The following RANBP10 variants were observed in gnomAD, a reference collection of about 807,000 sequenced individuals.
RANBP10 encodes the protein RAN binding protein 10.
Under a neutral mutation model 72.8 loss-of-function variants are expected in RANBP10, and 24 were observed. The ratio of observed to expected loss-of-function variants is 0.33; its 90% confidence interval spans 0.24 to 0.46. RANBP10 has a LOEUF of 0.46. Among genes scored for constraint, RANBP10 ranks in the 20% least tolerant of loss-of-function variants. The pLI, the probability that RANBP10 is intolerant of heterozygous loss-of-function variation, is 1.00. For synonymous variants in RANBP10, 310 were observed against 322.3 expected, an observed-to-expected ratio of 0.96 and a Z score of 0.41; for missense variants, 679 against 817.5, an observed-to-expected ratio of 0.83 and a Z score of 2.07.
At chr16:67,727,237 T>G in intron 13 of RANBP10, 90 bp downstream of exon 13, 1 of 1,268,646 alleles carries the variant, frequency 7.9e-7, no homozygotes, top group African/African-American at 1.5e-5. Flanking sequence ...AGGTGGAGAT[T>G]GCTGTGAGCC....
chr16:67,757,316 A>G (rs2054303446), intron 3 of RANBP10, among the ~76,000 whole-genome samples: 1 of 152,078 alleles, frequency 6.6e-6, no homozygotes, highest in Admixed American at 6.5e-5. Context: ...CCCTCTCCTA[A>G]TGAATGGCCA....
At chr16:67,737,911 G>T in intron 5 of RANBP10, 102 bp downstream of exon 5, 1 of 1,434,658 alleles carries the variant, frequency 7.0e-7, no homozygotes, top group Non-Finnish European at 9.6e-7. Flanking sequence ...CCTGGTTGGG[G>T]AAAGAACCAG....
chr16:67,727,568 G>T (rs2053629978), intron 12 of RANBP10, 130 bp from the exon 13 acceptor site: 1 of 1,313,560 alleles, frequency 7.6e-7, no homozygotes, highest in Non-Finnish European at 1.1e-6. Flanking sequence ...GTCGGGCAGG[G>T]CTGTACTCTC....
At chr16:67,796,327 T>C (rs1309898416) in intron 2 of RANBP10, among the ~76,000 whole-genome samples, 4 of 152,190 alleles carry the variant, frequency 2.6e-5, no homozygotes, top group Admixed American at 6.6e-5. Flanking sequence ...TTCAGATACA[T>C]GGCTTTATAA....
At chr16:67,805,588 G>C (rs1216228540) in intron 1 of RANBP10, 49 bp from the exon 2 acceptor site, 2 of 1,508,606 alleles carry the variant, frequency 1.3e-6, no homozygotes, top group Non-Finnish European at 1.8e-6. Flanking sequence ...AAATGCAAAT[G>C]GAAGCCTCAT....
chr16:67,751,175 G>C (rs2054188581), intron 3 of RANBP10, among the ~76,000 whole-genome samples: 1 of 152,288 alleles, frequency 6.6e-6, no homozygotes, highest in Middle Eastern at 3.4e-3. Flanking sequence ...AACCTACTTA[G>C]TCAGTGATTC....
chr16:67,753,811 G>A (rs1333726433), intron 3 of RANBP10, among the ~76,000 whole-genome samples: 2 of 152,088 alleles, frequency 1.3e-5, no homozygotes, highest in Non-Finnish European at 2.9e-5. Context: ...TCTGGCCTGA[G>A]CAAACAAGTA....
At chr16:67,751,544 G>T (rs1167800512) in intron 3 of RANBP10, among the ~76,000 whole-genome samples, 1 of 152,156 alleles carries the variant, frequency 6.6e-6, no homozygotes, top group Non-Finnish European at 1.5e-5. Flanking sequence ...AGAATCACTT[G>T]AACTGGGGAG....
intron 2 of RANBP10, among the ~76,000 whole-genome samples, chr16:67,794,727 G>A (rs2055094136): frequency 6.6e-6 from 1 of 150,696 alleles, no homozygotes; most frequent in Admixed American, 6.6e-5. Flanking sequence ...GTTTCACCGT[G>A]TTAGCCAGGA....
In RANBP10 at chr16:67,729,456, G is replaced by T. The variant is rs1034865243; in HGVS notation, c.1176C>A (p.Gly392=). 1 of 1,613,114 alleles carries T rather than the reference G, an allele frequency of 6.2e-7. No individual in the cohort carries two copies. Among genetic ancestry groups the T allele is most frequent in the East Asian group, 2.2e-5 (1 of 44,860 alleles). Residue 392 remains glycine (G), a synonymous_variant, in exon 10 of 14, where the codon GGC becomes GGA. Transcript: ENST00000317506. The surrounding 1 kb of genome is among the most constrained non-coding windows in gnomAD (Gnocchi z 7.1). ...TGADSPSCSN[G]VASTKSKQNH... ...TCTGTTTGCTCTTGGTGGACGCGAC[G>T]CCATTGCTACAGCTGGGACTGTCTG...
Position 67,806,405 on chromosome 16 carries a change from G to A in RANBP10, c.132C>T (p.Pro44=), listed in dbSNP as rs754500426. 6.2e-7 allele frequency: 1 copy of A among 1,608,356 alleles called. No homozygotes were observed. The highest frequency in any genetic ancestry group is 8.5e-7 in the Non-Finnish European group (1 of 1,177,760). Residue 44 remains proline, a synonymous_variant, in exon 1 of 14, where the codon CCC becomes CCT. Transcript: ENST00000317506. The part of the protein sequence containing the change: ...ELSRRLQRLY[P]AVNQQETPLP... ...GCGGAGTCTCTTGCTGGTTGACCGCGGGATACAGGCGCTGCAAGCGCCGGC... is the reference window on the plus strand; with the variant it reads ...GCGGAGTCTCTTGCTGGTTGACCGCAGGATACAGGCGCTGCAAGCGCCGGC...
At chr16:67,785,213 A>AAAAT (rs936375867) in intron 2 of RANBP10, among the ~76,000 whole-genome samples, 2 of 151,868 alleles carry the variant, frequency 1.3e-5, no homozygotes, top group Middle Eastern at 3.2e-3. Flanking sequence ...GTCGGTCTCA[A>AAAAT]AAATAAATAA....
chr16:67,761,511 G>A (rs1420094575), intron 3 of RANBP10, among the ~76,000 whole-genome samples: 1 of 152,222 alleles, frequency 6.6e-6, no homozygotes, highest in Non-Finnish European at 1.5e-5. Flanking sequence ...GCACTTGAGA[G>A]AAAAGGTAGT....
At chr16:67,794,946 C>A (rs60128828) in intron 2 of RANBP10, among the ~76,000 whole-genome samples, 11,116 of 96,224 alleles carry the variant, frequency 0.12, 1,138 homozygotes, top group African/African-American at 0.31. Context: ...AAAAAAAAAA[C>A]AAAAAAAAAA....
rs1336819792 is a variant in RANBP10 at position 67,727,426 on chromosome 16, G to C, written c.1633C>G (p.Leu545Val). Residue 545 changes from leucine (L) to valine (V), a missense_variant, in exon 13 of 14, where the codon CTG becomes GTG. Physicochemically the swap from Leu to Val is conservative, Grantham distance 32 (BLOSUM62 1). Transcript: ENST00000317506. ...CTCCAGGGGTCTGAGTATGCCAGCA[G>C]GCTGAAGGCATCCTACAGGACAGGG... The part of the protein sequence containing the change: ...HTEMLQDAFS[L>V]LAYSDPWSCP... 6.2e-7 allele frequency: 1 copy of C among 1,613,594 alleles called. No individual in the cohort carries two copies. The highest frequency in any genetic ancestry group is 8.5e-7 in the Non-Finnish European group (1 of 1,179,724).
chr16:67,757,023 A>T, intron 3 of RANBP10, among the ~76,000 whole-genome samples: 1 of 152,140 alleles, frequency 6.6e-6, no homozygotes. Flanking sequence ...TGACCAACAT[A>T]GAGAAACCCC....
intron 3 of RANBP10, among the ~76,000 whole-genome samples, chr16:67,759,393 G>A (rs2054351175): frequency 1.3e-5 from 2 of 152,156 alleles, no homozygotes; most frequent in African/African-American, 2.4e-5. Context: ...TTCCAGGCAG[G>A]GCTGCCTGGA....
At chr16:67,783,800 T>C (rs1300816282) in intron 2 of RANBP10, among the ~76,000 whole-genome samples, 1 of 151,916 alleles carries the variant, frequency 6.6e-6, no homozygotes, top group Non-Finnish European at 1.5e-5. Context: ...TCCCAGCACT[T>C]TGGGAGGCCA....
At chr16:67,800,989 C>T (rs1421271942) in intron 2 of RANBP10, among the ~76,000 whole-genome samples, 1 of 152,162 alleles carries the variant, frequency 6.6e-6, no homozygotes, top group East Asian at 1.9e-4. Context: ...CATCTGTTCT[C>T]CCTATACCTA....
Sources: gnomAD v4.1 joint callset for allele counts (sites outside exome capture counted in the v4.1 genomes callset) on GRCh38, gnomAD v4.1.1 for gene constraint, Gnocchi (gnomAD v3.1) non-coding constraint, MANE v1.5 for transcripts, NCBI Gene and HGNC (gene_info 2026-07-23, HGNC 2026-07-21) for gene names.